RPA1: variants seen among roughly 807,000 people sequenced by gnomAD.
RPA1 encodes the protein replication protein A1.
Under a neutral mutation model 83.0 loss-of-function variants are expected in RPA1, and 49 were observed. That is an observed-to-expected ratio of 0.59 (90% confidence interval 0.47 to 0.75). The LOEUF is 0.75. Among genes scored for constraint, RPA1 ranks in the 30% least tolerant of loss-of-function variants. The probability of loss-of-function intolerance (pLI) is 0.00; values close to 1 mark genes in which losing one functional copy is unlikely to be tolerated. For synonymous variants in RPA1, 279 were observed against 281.8 expected (o/e 0.99, Z 0.10); for missense variants, 693 against 776.1 (o/e 0.89, Z 1.27).
intron 8 of RPA1, among the ~76,000 whole-genome samples, chr17:1,878,478 C>G (rs950951741): frequency 7.2e-5 from 11 of 151,950 alleles, no homozygotes; most frequent in Admixed American, 6.6e-4. Flanking sequence ...TTTTGGCTGA[C>G]AGAAAAGCAA....
chr17:1,882,215 A>G (rs536796524), intron 12 of RPA1, among the ~76,000 whole-genome samples: 66 of 152,182 alleles, frequency 4.3e-4, no homozygotes, highest in Non-Finnish European at 7.5e-4. Context: ...CTTCATATCA[A>G]TTGATGTGTG....
chr17:1,877,334 G>A lies in RPA1; in HGVS notation c.690+20G>A, dbSNP rs1381658487. On this transcript the variant is annotated intron_variant, in intron 8 of 16. Transcript: ENST00000254719. Reference sequence around the variant, plus strand: ...GAAAGTGTGAGTGTTTGTCATGCTGGGGAGTGAGGGCAGTGGGCTCGCCGG... The same window carrying A: ...GAAAGTGTGAGTGTTTGTCATGCTGAGGAGTGAGGGCAGTGGGCTCGCCGG... 21 of 1,608,212 alleles carry A rather than the reference G, an allele frequency of 1.3e-5. No homozygotes were observed. The highest frequency in any genetic ancestry group is 1.8e-5 in the Non-Finnish European group (21 of 1,175,546).
chr17:1,837,098 AG>A (rs1911855087), intron 1 of RPA1, among the ~76,000 whole-genome samples: 1 of 151,940 alleles, frequency 6.6e-6, no homozygotes, highest in South Asian at 2.1e-4. Flanking sequence ...AGCCTCCCAA[AG>A]TGCTGGGATT....
chr17:1,830,120 C>T lies in RPA1; in HGVS notation c.27C>T (p.Ala9=). 1 of 1,248,312 alleles carries T rather than the reference C, an allele frequency of 8.0e-7. No individual in the cohort carries two copies. The highest frequency in any genetic ancestry group is 1.0e-6 in the Non-Finnish European group (1 of 988,356). The allele number at this position is 1,248,312 out of a possible 1,614,324, so 77.3% of individuals were successfully genotyped here. A position where few individuals can be genotyped will look rare whatever the true frequency, so the allele number is the denominator to read the frequency against. MVGQLSEG[A]IAAIMQKGDT... is the part of the protein sequence containing the mutation. ...TGGTCGGCCAACTGAGCGAGGGGGC[C>T]ATTGCGGTGAGGAGGTGCCGGGGGC... The change falls in exon 1 of 17, where the codon GCC becomes GCT. Residue 9 remains alanine (A), a synonymous_variant. Coordinates refer to ENST00000254719, the MANE Select transcript of RPA1 (RefSeq NM_002945.5).
At chr17:1,877,112 G>T in intron 7 of RPA1, 100 bp from the exon 8 acceptor site, 1 of 1,097,574 alleles carries the variant, frequency 9.1e-7, no homozygotes, top group Non-Finnish European at 1.4e-6. Context: ...GTTGGAAAAC[G>T]GAATATGCGT....
chr17:1,836,113 T>A (rs929946064), intron 1 of RPA1, among the ~76,000 whole-genome samples: 7 of 151,826 alleles, frequency 4.6e-5, no homozygotes, highest in African/African-American at 1.5e-4. Context: ...GCACCTTTTT[T>A]ATTTATTTAT....
intron 5 of RPA1, among the ~76,000 whole-genome samples, chr17:1,859,902 T>G (rs1043283982): frequency 6.6e-6 from 1 of 152,188 alleles, no homozygotes; most frequent in African/African-American, 2.4e-5. Flanking sequence ...AACCTCCGCC[T>G]CCCAGGTTCA....
chr17:1,867,663 A>G (rs2151281967), intron 5 of RPA1, among the ~76,000 whole-genome samples: 1 of 152,014 alleles, frequency 6.6e-6, no homozygotes, highest in Admixed American at 6.5e-5. Context: ...GTGATCTGTA[A>G]TCACACCAGT....
At chr17:1,871,766 C>T (rs531575698) in intron 5 of RPA1, among the ~76,000 whole-genome samples, 1 of 152,300 alleles carries the variant, frequency 6.6e-6, no homozygotes, top group South Asian at 2.1e-4. Context: ...ATTTCCCCCC[C>T]TTTACTTTTA....
chr17:1,881,591 C>T (rs1250004256), intron 12 of RPA1, among the ~76,000 whole-genome samples: 1 of 152,142 alleles, frequency 6.6e-6, no homozygotes, highest in Non-Finnish European at 1.5e-5. Flanking sequence ...CACAGATTTG[C>T]TTTTTTCTTA....
intron 2 of RPA1, among the ~76,000 whole-genome samples, chr17:1,843,073 C>CT (rs765659049): frequency 2.8e-4 from 42 of 152,154 alleles, no homozygotes; most frequent in Non-Finnish European, 5.0e-4. Flanking sequence ...GAGATTCAGA[C>CT]TGAAGGCTTT....
At chr17:1,875,017 T>A (rs545683443) in intron 6 of RPA1, among the ~76,000 whole-genome samples, 28 of 152,216 alleles carry the variant, frequency 1.8e-4, no homozygotes, top group Non-Finnish European at 4.0e-4. Context: ...CCCTGTTCTT[T>A]CCCAGCGCAG....
intron 5 of RPA1, among the ~76,000 whole-genome samples, chr17:1,865,434 A>G (rs1042723307): frequency 4.6e-5 from 7 of 152,224 alleles, no homozygotes; most frequent in African/African-American, 1.4e-4. Flanking sequence ...GTCCATTAAA[A>G]CTTGCATAAT....
At chr17:1,879,771 A>G in intron 11 of RPA1, 72 bp downstream of exon 11, 2 of 1,585,630 alleles carry the variant, frequency 1.3e-6, no homozygotes, top group East Asian at 4.5e-5. Flanking sequence ...GTCCTATAGG[A>G]TGGGGCCTTC....
intron 5 of RPA1, among the ~76,000 whole-genome samples, chr17:1,856,200 G>A (rs115329922): frequency 0.011 from 1,654 of 151,906 alleles, 36 homozygotes; most frequent in African/African-American, 0.037. Context: ...TGGCGCTCCT[G>A]CACCTGTGGT....
chr17:1,839,359 C>T (rs1911951513), intron 1 of RPA1, among the ~76,000 whole-genome samples: 1 of 151,472 alleles, frequency 6.6e-6, no homozygotes, highest in Admixed American at 6.6e-5. Flanking sequence ...TGGAGTCTAG[C>T]TCTGTCGCCA....
chr17:1,858,263 A>G (rs1912795158), intron 5 of RPA1: 12 of 1,612,998 alleles, frequency 7.4e-6, no homozygotes, highest in Non-Finnish European at 9.3e-6. Context: ...TAAGACTCAA[A>G]GTTCCCAGGG....
intron 5 of RPA1, among the ~76,000 whole-genome samples, chr17:1,870,910 T>G (rs1913354599): frequency 6.6e-6 from 1 of 152,224 alleles, no homozygotes; most frequent in African/African-American, 2.4e-5. Context: ...TGTTTTTGAA[T>G]GTTTACATCT....
In RPA1 at chr17:1,879,040, TC is replaced by T. The variant is rs1199730011; in HGVS notation, c.740del (p.Pro247LeufsTer5). 1 of 1,614,172 alleles carries T rather than the reference TC, an allele frequency of 6.2e-7. No individual in the cohort carries two copies. The highest frequency in any genetic ancestry group is 1.7e-5 in the Admixed American group (1 of 60,020). On this transcript the variant is annotated frameshift_variant, in exon 9 of 17. Transcript: ENST00000254719. LOFTEE classifies it high-confidence loss of function. ...AFNEQVDKFFPLIEVNKVYYF... is the reference protein window; with the variant it reads ...AFNEQVDKFFXLIEVNKVYYF... Reference sequence around the variant, plus strand: ...TCAATGAGCAAGTGGACAAGTTCTTTCCTCTTATTGAAGTGAACAAGGTATG... The same window carrying T: ...TCAATGAGCAAGTGGACAAGTTCTTTCTCTTATTGAAGTGAACAAGGTATG...
Sources: gnomAD v4.1 joint callset for allele counts (sites outside exome capture counted in the v4.1 genomes callset) on GRCh38, gnomAD v4.1.1 for gene constraint, MANE v1.5 for transcripts, NCBI Gene and HGNC (gene_info 2026-07-23, HGNC 2026-07-21) for gene names.